The following PTPRD variants were observed in gnomAD, a reference collection of about 807,000 sequenced individuals.
PTPRD encodes the protein protein tyrosine phosphatase receptor type D, also known as receptor-type tyrosine-protein phosphatase delta.
PTPRD carries 34 observed loss-of-function variants against 214.5 expected under a neutral mutation model. That is an observed-to-expected ratio of 0.16 (90% CI 0.12 to 0.21). The LOEUF (loss-of-function observed/expected upper bound fraction) is 0.21, where lower values mean the gene tolerates loss of function less well. Among genes scored for constraint, PTPRD ranks in the 10% least tolerant of loss-of-function variants. The probability of loss-of-function intolerance (pLI) is 1.00; values close to 1 mark genes in which losing one functional copy is unlikely to be tolerated. For missense variants in PTPRD, 2,545 were observed against 2,398.7 expected (o/e 1.06, Z -1.27); for synonymous variants, 1,128 against 845.7 (o/e 1.33, Z -5.79).
At chr9:10,558,565 A>G (rs2063139321) in intron 2 of PTPRD, among the ~76,000 whole-genome samples, 1 of 152,126 alleles carries the variant, frequency 6.6e-6, no homozygotes. Context: ...AAGCTACTTA[A>G]CATTTCTCAG....
rs2098390313 is a variant in PTPRD at position 10,407,905 on chromosome 9, T to A, written c.-599-66888A>T. 2.6e-5 allele frequency among the ~76,000 whole-genome samples: 4 copies of A among 151,564 alleles called. No individual in the cohort carries two copies. The Admixed American group carries it at 2.6e-4, about 10-fold the overall frequency. On this transcript the variant is annotated intron_variant, in intron 2 of 45. Coordinates refer to ENST00000381196, the MANE Select transcript of PTPRD (RefSeq NM_002839.4). ...TTTGTTTTGGATATAAATTATCAAC[T>A]CATAGTAAGACTTTTTCATGGGGAA...
At chr9:9,164,655 A>C (rs1229239440) in intron 10 of PTPRD, among the ~76,000 whole-genome samples, 2 of 152,094 alleles carry the variant, frequency 1.3e-5, no homozygotes, top group Non-Finnish European at 2.9e-5. Context: ...CTTACCTCTG[A>C]GAGGTGTTCA....
intron 3 of PTPRD, among the ~76,000 whole-genome samples, chr9:10,134,818 T>A (rs72696910): frequency 0.052 from 7,841 of 152,212 alleles, 306 homozygotes; most frequent in Admixed American, 0.1. Flanking sequence ...AAAGTCAGCA[T>A]CTTCTTACCT....
At chr9:8,599,079 A>G (rs1220847425) in intron 14 of PTPRD, among the ~76,000 whole-genome samples, 2 of 152,060 alleles carry the variant, frequency 1.3e-5, no homozygotes. Flanking sequence ...GTCTTTCCCA[A>G]GCTGTTCTCA....
rs1326773 is a variant in PTPRD, at chr9:9,602,730, G to A, written c.-286-27949C>T. Among the ~76,000 whole-genome samples, 700 of 151,706 alleles carry A rather than the reference G, an allele frequency of 4.6e-3. 7 individuals carry two copies. The highest frequency in any genetic ancestry group is 0.016 in the African/African-American group (667 of 41,376). The stretch of plus-strand genomic sequence containing the variant: ...TCTAGTGTTACTCTATCTTATTCCC[G>A]TCTGGATAAAAGATCTTGAAATGTT... On this transcript the variant is annotated intron_variant, in intron 7 of 45. Transcript: ENST00000381196.
intron 11 of PTPRD, among the ~76,000 whole-genome samples, chr9:8,948,980 T>C (rs2099087323): frequency 6.6e-6 from 1 of 152,090 alleles, no homozygotes; most frequent in Non-Finnish European, 1.5e-5. Flanking sequence ...ACGCCTGTAG[T>C]CCCAGCACTT....
At chr9:9,523,251 T>C (rs2097033495) in intron 8 of PTPRD, among the ~76,000 whole-genome samples, 1 of 152,196 alleles carries the variant, frequency 6.6e-6, no homozygotes, top group African/African-American at 2.4e-5. Flanking sequence ...ATTTAATTAC[T>C]GGTAAATTTT....
At position 8,395,788 on chromosome 9, in the gene PTPRD, C is replaced by A. The variant is rs73418397; in HGVS notation, c.4211-6381G>T. Among the ~76,000 whole-genome samples the A allele has an allele frequency of 2.0e-5, 3 of 152,128 alleles. No homozygotes were observed. The East Asian group carries it at 5.8e-4, about 29-fold the overall frequency. On this transcript the variant is annotated intron_variant, in intron 36 of 45. Transcript: ENST00000381196. ...CTACTTGATTTTCCATACCCCCACA[C>A]TGCTGAGGAGGCTGAGTTTTGAGAA...
At chr9:8,520,926 GTTC>G (rs1185900586) in intron 20 of PTPRD, among the ~76,000 whole-genome samples, 1 of 151,766 alleles carries the variant, frequency 6.6e-6, no homozygotes. Context: ...TTTTCTTGGG[GTTC>G]TTATCAAGGT....
chr9:8,570,648 C>T (rs1413846005), intron 14 of PTPRD, among the ~76,000 whole-genome samples: 1 of 152,050 alleles, frequency 6.6e-6, no homozygotes, highest in East Asian at 1.9e-4. Context: ...AAACTTACTT[C>T]ATCATTTACA....
At chr9:9,582,415 T>A (rs186038864) in intron 7 of PTPRD, among the ~76,000 whole-genome samples, 32 of 152,184 alleles carry the variant, frequency 2.1e-4, no homozygotes, top group African/African-American at 7.7e-4. Flanking sequence ...TCTTTGTTTA[T>A]CAGACTCCCA....
intron 11 of PTPRD, among the ~76,000 whole-genome samples, chr9:8,819,873 G>T (rs1265470894): frequency 6.6e-6 from 1 of 152,014 alleles, no homozygotes; most frequent in Non-Finnish European, 1.5e-5. Context: ...TCACACTGGG[G>T]CTCTCCTGTG....
At chr9:8,502,863 T>TATATATATAC (rs1554658869) in intron 23 of PTPRD, among the ~76,000 whole-genome samples, 3 of 150,350 alleles carry the variant, frequency 2.0e-5, no homozygotes, top group East Asian at 2.0e-4. Flanking sequence ...TATATATATA[T>TATATATATAC]ACACACACAC....
intron 9 of PTPRD, among the ~76,000 whole-genome samples, chr9:9,330,637 T>C (rs1307301237): frequency 6.6e-6 from 1 of 152,074 alleles, no homozygotes; most frequent in African/African-American, 2.4e-5. Context: ...CACATATTGA[T>C]TCATTTTTAT....
intron 44 of PTPRD, among the ~76,000 whole-genome samples, chr9:8,321,961 T>C (rs993984963): frequency 3.3e-5 from 5 of 152,122 alleles, no homozygotes; most frequent in African/African-American, 1.2e-4. Context: ...TGTAGCAGTT[T>C]GGTAATTCTT....
chr9:10,265,720 A>T (rs2154378968), intron 3 of PTPRD, among the ~76,000 whole-genome samples: 1 of 152,318 alleles, frequency 6.6e-6, no homozygotes, highest in Admixed American at 6.5e-5. Context: ...GGAAACAAAT[A>T]GGCAGCATCC....
chr9:8,337,991 G>C (rs1294018747), intron 43 of PTPRD, among the ~76,000 whole-genome samples: 1 of 151,916 alleles, frequency 6.6e-6, no homozygotes, highest in Admixed American at 6.6e-5. Context: ...TAACAGGTCT[G>C]TCACCTAGGC....
chr9:8,698,631 C>T (rs1481312138), intron 12 of PTPRD, among the ~76,000 whole-genome samples: 1 of 152,172 alleles, frequency 6.6e-6, no homozygotes, highest in Non-Finnish European at 1.5e-5. Flanking sequence ...GGCTGTATGA[C>T]CACAGGTTCA....
chr9:8,331,574 A>AAACTTACCATTCTTGAACTGAACTGT lies in PTPRD; in HGVS notation c.5534+7_5534+8insACAGTTCAGTTCAAGAATGGTAAGTT. 1 of 1,611,994 alleles carries AAACTTACCATTCTTGAACTGAACTGT rather than the reference A, an allele frequency of 6.2e-7. No individual in the cohort carries two copies. Among genetic ancestry groups the AAACTTACCATTCTTGAACTGAACTGT allele is most frequent in the Non-Finnish European group, 8.5e-7 (1 of 1,178,832 alleles). On this transcript the variant is annotated splice_region_variant and intron_variant, in intron 44 of 45. Transcript: ENST00000381196. Reference sequence around the variant, plus strand: ...TTATCACTGCTTTATTCACAAATGGAAACTTACCTGCAATGGACTGAAATG... The same window carrying AAACTTACCATTCTTGAACTGAACTGT: ...TTATCACTGCTTTATTCACAAATGGAAACTTACCATTCTTGAACTGAACTGTAACTTACCTGCAATGGACTGAAATG...
Sources: gnomAD v4.1 joint callset for allele counts (sites outside exome capture counted in the v4.1 genomes callset) on GRCh38, gnomAD v4.1.1 for gene constraint, MANE v1.5 for transcripts, NCBI Gene and HGNC (gene_info 2026-07-23, HGNC 2026-07-21) for gene names.